The following TP63 variants were observed in gnomAD, a reference collection of about 807,000 sequenced individuals.
TP63 encodes the protein tumor protein 63.
A neutral mutation model predicts 82.8 loss-of-function variants in TP63; 17 were observed. The ratio of observed to expected loss-of-function variants is 0.21; its 90% CI spans 0.14 to 0.31. The LOEUF (loss-of-function observed/expected upper bound fraction) is 0.31. Ranked by LOEUF, TP63 falls within the 10% of genes least tolerant of loss-of-function variation. TP63 has a pLI of 1.00. For missense variants in TP63, 648 were observed against 895.3 expected (o/e 0.72, Z 3.52); for synonymous variants, 330 against 321.7 (o/e 1.03, Z -0.28).
chr3:189,722,040 CTG>C (rs1381170282), intron 1 of TP63, among the ~76,000 whole-genome samples: 1 of 152,098 alleles, frequency 6.6e-6, no homozygotes, highest in African/African-American at 2.4e-5. Flanking sequence ...AGAGATCTTA[CTG>C]AGGATGAATT....
At chr3:189,863,781 G>T (rs9820283) in intron 4 of TP63, among the ~76,000 whole-genome samples, 1 of 152,094 alleles carries the variant, frequency 6.6e-6, no homozygotes, top group South Asian at 2.1e-4. Flanking sequence ...TCCTGTGAGT[G>T]TCTCTAAAGT....
chr3:189,683,533 G>T (rs1164110286), intron 1 of TP63, among the ~76,000 whole-genome samples: 1 of 152,178 alleles, frequency 6.6e-6, no homozygotes, highest in African/African-American at 2.4e-5. Flanking sequence ...TGCTGGAGCA[G>T]CAGACACAGG....
chr3:189,773,118 A>G (rs934423582), intron 3 of TP63, among the ~76,000 whole-genome samples: 4 of 152,208 alleles, frequency 2.6e-5, no homozygotes, highest in Non-Finnish European at 5.9e-5. Context: ...ATGTGAAGCA[A>G]TCGCTCTAAA....
chr3:189,736,753 A>G (rs1396741322), intron 1 of TP63, among the ~76,000 whole-genome samples: 1 of 151,458 alleles, frequency 6.6e-6, no homozygotes, highest in African/African-American at 2.4e-5. Flanking sequence ...CTTCTACTGT[A>G]TTACTAGACC....
intron 3 of TP63, among the ~76,000 whole-genome samples, chr3:189,760,212 A>G (rs1410419752): frequency 2.0e-5 from 3 of 152,164 alleles, no homozygotes; most frequent in Non-Finnish European, 2.9e-5. Context: ...ATGCCTTCCC[A>G]ACAGTCCCCC....
At chr3:189,703,922 A>C (rs1193378054) in intron 1 of TP63, among the ~76,000 whole-genome samples, 1 of 152,212 alleles carries the variant, frequency 6.6e-6, no homozygotes, top group Non-Finnish European at 1.5e-5. Flanking sequence ...GTCTACAGTC[A>C]GTGAGATAGC....
intron 1 of TP63, among the ~76,000 whole-genome samples, chr3:189,711,292 T>C (rs1203346260): frequency 1.3e-5 from 2 of 152,224 alleles, no homozygotes; most frequent in Non-Finnish European, 2.9e-5. Flanking sequence ...AGGAGAGGTA[T>C]GCATTTAATT....
At chr3:189,601,727 A>G in the TP63 span, among the ~76,000 whole-genome samples, 1 of 152,178 alleles carries the variant, frequency 6.6e-6, no homozygotes. Context: ...TCCTGAGAGC[A>G]TATAGATCCA....
At chr3:189,632,035 AT>A (rs1254775857) in intron 1 of TP63, among the ~76,000 whole-genome samples, 1 of 150,898 alleles carries the variant, frequency 6.6e-6, no homozygotes, top group Non-Finnish European at 1.5e-5. Flanking sequence ...TATAAGGAAT[AT>A]TTTTTGGTAT....
At chr3:189,613,150 T>C in the TP63 span, among the ~76,000 whole-genome samples, 5 of 152,198 alleles carry the variant, frequency 3.3e-5, no homozygotes, top group African/African-American at 1.2e-4. Context: ...CTCCAGGCCA[T>C]GTCAGAGGCC....
Position 189,718,547 on chromosome 3 carries a change from A to G in TP63, c.63-19193A>G, listed in dbSNP as rs150037911. The stretch of plus-strand genomic sequence containing the variant: ...TGTCACCGTGATCCAATCACCTCCC[A>G]TCAGATCCCTCCCCTGACATGTGAG... On this transcript the variant is annotated intron_variant, in intron 1 of 13. Transcript: ENST00000264731. 8.0e-5 allele frequency among the ~76,000 whole-genome samples: 12 copies of G among 150,688 alleles called. 1 individual carries two copies. In the East Asian group the frequency reaches 2.3e-3, roughly 29 times the overall value.
At chr3:189,659,605 G>T (rs1035513480) in intron 1 of TP63, among the ~76,000 whole-genome samples, 3 of 152,028 alleles carry the variant, frequency 2.0e-5, no homozygotes, top group Non-Finnish European at 4.4e-5. Context: ...TCGAATGGTA[G>T]TTCTGTTTTA....
At chr3:189,754,982 T>G (rs1338911192) in intron 3 of TP63, among the ~76,000 whole-genome samples, 1 of 152,180 alleles carries the variant, frequency 6.6e-6, no homozygotes, top group East Asian at 1.9e-4. Flanking sequence ...GGCTTTATGA[T>G]GTATGATTTA....
Position 189,817,006 on chromosome 3 carries a change from GA to G in TP63, c.579+8490del, listed in dbSNP as rs397715430. ...TTTAATAATGAAGATTCATGTGGGG[GA>G]AAAAAAAAACCCTACAACTTGCCAC... On this transcript the variant is annotated intron_variant, in intron 4 of 13. Coordinates refer to ENST00000264731, the MANE Select transcript of TP63 (RefSeq NM_003722.5). 7.0e-3 allele frequency among the ~76,000 whole-genome samples: 1,047 copies of G among 149,468 alleles called. 8 individuals carry two copies. Among genetic ancestry groups the G allele is most frequent in the African/African-American group, 0.016 (636 of 40,804 alleles).
At chr3:189,675,808 GT>G (rs1431785345) in intron 1 of TP63, among the ~76,000 whole-genome samples, 1 of 152,060 alleles carries the variant, frequency 6.6e-6, no homozygotes, top group African/African-American at 2.4e-5. Flanking sequence ...TCTCCTAAAT[GT>G]TATCCCATTT....
At chr3:189,653,941 G>A (rs1713106599) in intron 1 of TP63, among the ~76,000 whole-genome samples, 1 of 152,124 alleles carries the variant, frequency 6.6e-6, no homozygotes. Flanking sequence ...GTTTCATGGG[G>A]TCCTAAGTGC....
chr3:189,728,902 A>G (rs1719961825), intron 1 of TP63, among the ~76,000 whole-genome samples: 1 of 152,170 alleles, frequency 6.6e-6, no homozygotes, highest in South Asian at 2.1e-4. Context: ...ATTCAAGGTG[A>G]GATTTGTGTG....
chr3:189,602,636 A>G, the TP63 span, among the ~76,000 whole-genome samples: 1 of 152,204 alleles, frequency 6.6e-6, no homozygotes, highest in Non-Finnish European at 1.5e-5. Flanking sequence ...CGTGCATCCG[A>G]GCCAGCAAGT....
chr3:189,810,323 C>T (rs139791324), intron 4 of TP63, among the ~76,000 whole-genome samples: 175 of 152,174 alleles, frequency 1.1e-3, no homozygotes, highest in African/African-American at 3.7e-3. Flanking sequence ...GGTCACCAAC[C>T]GGACATTTAC....
Sources: gnomAD v4.1 joint callset for allele counts (sites outside exome capture counted in the v4.1 genomes callset) on GRCh38, gnomAD v4.1.1 for gene constraint, MANE v1.5 for transcripts, NCBI Gene and HGNC (gene_info 2026-07-23, HGNC 2026-07-21) for gene names.